Variants in CFAP70 observed in about 807,000 individuals in gnomAD.
The protein encoded by CFAP70 is cilia and flagella associated protein 70.
Under a neutral mutation model 137.6 loss-of-function variants are expected in CFAP70, and 81 were observed. That is an observed-to-expected ratio of 0.59 (90% confidence interval 0.49 to 0.71). The LOEUF (loss-of-function observed/expected upper bound fraction) is 0.71. Among genes scored for constraint, CFAP70 ranks in the 30% least tolerant of loss-of-function variants. The pLI is 0.00. For missense variants in CFAP70, 976 were observed against 1,226.7 expected, an observed-to-expected ratio of 0.80 and a Z score of 3.05; for synonymous variants, 382 against 423.6, an observed-to-expected ratio of 0.90 and a Z score of 1.20.
At chr10:73,331,132 G>C in intron 8 of CFAP70, 45 bp downstream of exon 9, 1 of 1,384,358 alleles carries the variant, frequency 7.2e-7, no homozygotes. Flanking sequence ...GGTCGGGTCT[G>C]ATTCTACATT....
intron 1 of CFAP70, among the ~76,000 whole-genome samples, chr10:73,358,372 A>C (rs2054828454): frequency 6.6e-6 from 1 of 152,220 alleles, no homozygotes; most frequent in African/African-American, 2.4e-5. Flanking sequence ...GCTCGGAAGA[A>C]GCTGCAAGGG....
At chr10:73,258,518 C>T (rs1363577782) in intron 25 of CFAP70, among the ~76,000 whole-genome samples, 4 of 152,144 alleles carry the variant, frequency 2.6e-5, no homozygotes, top group East Asian at 3.8e-4. Flanking sequence ...TTGTAGAGCA[C>T]GTGTGTTTGA....
rs545273900 is a variant in CFAP70, at chr10:73,328,408, C to T, written c.777+2769G>A. Among the ~76,000 whole-genome samples, 387 of 151,322 alleles carry T rather than the reference C, an allele frequency of 2.6e-3. 1 individual carries two copies. Among genetic ancestry groups the T allele is most frequent in the African/African-American group, 9.0e-3 (370 of 41,222 alleles). On this transcript the variant is annotated intron_variant, in intron 8 of 26. Transcript: ENST00000310715. ...ACTCTAGAAGAAAACCTAGGCATTA[C>T]CATTCAGGACATAGGCATGGGCAAG...
At chr10:73,261,052 A>G (rs1309264854) in intron 25 of CFAP70, among the ~76,000 whole-genome samples, 1 of 152,094 alleles carries the variant, frequency 6.6e-6, no homozygotes, top group Non-Finnish European at 1.5e-5. Context: ...GGTTGTACCA[A>G]TTTACAACCC....
chr10:73,312,437 C>G (rs770813942), intron 10 of CFAP70, 36 bp downstream of exon 11: 2 of 1,490,982 alleles, frequency 1.3e-6, no homozygotes, highest in African/African-American at 2.8e-5. Flanking sequence ...GGAATGTAAT[C>G]TAAGAGGCAA....
intron 12 of CFAP70, among the ~76,000 whole-genome samples, chr10:73,307,172 T>G (rs764822831): frequency 2.0e-5 from 3 of 152,146 alleles, no homozygotes; most frequent in Non-Finnish European, 4.4e-5. Flanking sequence ...TGCTAATTGT[T>G]GTCTCCAAGT....
At chr10:73,293,598 T>C (rs1361006213) in intron 15 of CFAP70, 1 of 439,188 alleles carries the variant, frequency 2.3e-6, no homozygotes, top group Admixed American at 4.0e-5. Context: ...GGTATCTGAA[T>C]ACCAACAGTC....
rs779289998 is a variant in CFAP70, at chr10:73,331,225, T to C, written c.729A>G (p.Arg243=). 5 of 1,613,666 alleles carry C rather than the reference T, an allele frequency of 3.1e-6. No homozygotes were observed. In the Admixed American group the frequency reaches 8.3e-5, roughly 27 times the overall value. The change falls in exon 8 of 27, where the codon AGA becomes AGG. Residue 243 remains arginine, a synonymous_variant. Transcript: ENST00000310715. ...CTTTGGGTATAGTGACCAGAGGAAC[T>C]CTTGTGATCTCTACAGGCCAAAGCC...
chr10:73,305,412 T>G (rs2049300407), intron 12 of CFAP70, among the ~76,000 whole-genome samples: 1 of 152,196 alleles, frequency 6.6e-6, no homozygotes, highest in African/African-American at 2.4e-5. Context: ...GAAAGCCACA[T>G]GTATGCCCAG....
At chr10:73,331,617 G>A (rs1213086968) in intron 7 of CFAP70, among the ~76,000 whole-genome samples, 1 of 152,170 alleles carries the variant, frequency 6.6e-6, no homozygotes, top group East Asian at 1.9e-4. Context: ...AGGAGGTCAA[G>A]GCTATAGTGA....
intron 19 of CFAP70, among the ~76,000 whole-genome samples, chr10:73,286,669 C>T (rs2047738739): frequency 6.6e-6 from 1 of 152,120 alleles, no homozygotes; most frequent in African/African-American, 2.4e-5. Context: ...GAGACCCTAA[C>T]CCAGTGGCGC....
At chr10:73,308,221 T>C (rs1048012419) in intron 12 of CFAP70, among the ~76,000 whole-genome samples, 1 of 152,022 alleles carries the variant, frequency 6.6e-6, no homozygotes, top group Non-Finnish European at 1.5e-5. Context: ...CAGACATATA[T>C]AGAACATTCC....
At chr10:73,283,618 G>C (rs991052391) in intron 19 of CFAP70, among the ~76,000 whole-genome samples, 9 of 152,162 alleles carry the variant, frequency 5.9e-5, no homozygotes, top group African/African-American at 2.2e-4. Context: ...CTTTGCTCTG[G>C]AGTCTTCTTT....
At chr10:73,361,731 T>C (rs936186824), upstream of CFAP70, among the ~76,000 whole-genome samples, 1 of 152,188 alleles carries the variant, frequency 6.6e-6, no homozygotes, top group Non-Finnish European at 1.5e-5. Context: ...AAAGACTTGT[T>C]TCTAATTAGC....
intron 25 of CFAP70, among the ~76,000 whole-genome samples, chr10:73,260,918 A>T (rs1353942456): frequency 6.6e-6 from 1 of 152,178 alleles, no homozygotes; most frequent in Non-Finnish European, 1.5e-5. Context: ...AAAAGTTCAT[A>T]TACAAATTTT....
chr10:73,335,435 C>T (rs781731029), exon 7 of CFAP70: 1 of 1,604,628 alleles, frequency 6.2e-7, no homozygotes, highest in South Asian at 1.1e-5. Flanking sequence ...CTTACCTGAC[C>T]ACTGCAGAAG....
chr10:73,292,043 T>C (rs376515176), intron 16 of CFAP70, 29 bp from the exon 18 acceptor site: 3 of 1,612,050 alleles, frequency 1.9e-6, no homozygotes, highest in Non-Finnish European at 2.5e-6. Context: ...AAGGTTATTG[T>C]GATACTATGT....
chr10:73,269,422 A>G (rs912137899), intron 25 of CFAP70, among the ~76,000 whole-genome samples, 192 bp downstream of exon 26: 2 of 152,180 alleles, frequency 1.3e-5, no homozygotes, highest in Non-Finnish European at 2.9e-5. Context: ...ACCTAAATAT[A>G]TTATTTTTAA....
At chr10:73,327,453 C>G (rs1314540697) in intron 8 of CFAP70, among the ~76,000 whole-genome samples, 3 of 151,730 alleles carry the variant, frequency 2.0e-5, no homozygotes, top group East Asian at 1.9e-4. Flanking sequence ...TCTCTCACCA[C>G]TCCTCTTCAA....
Sources: allele counts gnomAD v4.1 joint callset (sites outside exome capture counted in the v4.1 genomes callset), GRCh38; gene constraint gnomAD v4.1.1; transcripts MANE v1.5; gene names NCBI Gene and HGNC (gene_info 2026-07-23, HGNC 2026-07-21).